Variants in SLCO6A1 observed in about 807,000 individuals in gnomAD.
SLCO6A1 encodes the protein cancer/testis antigen 48.
Under a neutral mutation model 72.7 loss-of-function variants are expected in SLCO6A1, and 65 were observed. That is an observed-to-expected ratio of 0.89 (90% CI 0.73 to 1.10). The LOEUF (loss-of-function observed/expected upper bound fraction) is 1.10, where lower values mean the gene tolerates loss of function less well. SLCO6A1 is among the 50% of genes least tolerant of loss of function. The pLI is 0.00. For missense variants in SLCO6A1, 874 were observed against 872.6 expected, an observed-to-expected ratio of 1.00 and a Z score of -0.02; for synonymous variants, 314 against 298.2, an observed-to-expected ratio of 1.05 and a Z score of -0.55.
chr5:102,489,781 A>G (rs1394989972), intron 1 of SLCO6A1, among the ~76,000 whole-genome samples: 2 of 152,226 alleles, frequency 1.3e-5, no homozygotes, highest in African/African-American at 4.8e-5. Flanking sequence ...TATGTCAAAG[A>G]AATATTTGCA....
intron 8 of SLCO6A1, among the ~76,000 whole-genome samples, chr5:102,413,462 C>T (rs558863969): frequency 3.0e-4 from 45 of 151,736 alleles, no homozygotes; most frequent in Admixed American, 8.5e-4. Flanking sequence ...TTTCCCCACT[C>T]CCTAGCATAC....
chr5:102,427,840 G>GTGTATATATATATA (rs1748980248), intron 7 of SLCO6A1, among the ~76,000 whole-genome samples: 4 of 102,750 alleles, frequency 3.9e-5, no homozygotes, highest in Admixed American at 1.0e-4. Flanking sequence ...GTGTGTGTAT[G>GTGTATATATATATA]TATACATATA....
At chr5:102,379,063 G>A (rs1211571931) in intron 12 of SLCO6A1, among the ~76,000 whole-genome samples, 2 of 152,154 alleles carry the variant, frequency 1.3e-5, no homozygotes, top group Non-Finnish European at 2.9e-5. Flanking sequence ...TTACAGGCAT[G>A]AGCAACTGCA....
intron 10 of SLCO6A1, among the ~76,000 whole-genome samples, chr5:102,393,524 G>A (rs992777055): frequency 1.2e-4 from 19 of 152,008 alleles, no homozygotes; most frequent in African/African-American, 2.2e-4. Context: ...TACCCTCCCC[G>A]AATCCCCAGA....
chr5:102,451,807 T>A (rs1161746188), intron 6 of SLCO6A1, among the ~76,000 whole-genome samples: 1 of 152,194 alleles, frequency 6.6e-6, no homozygotes, highest in African/African-American at 2.4e-5. Flanking sequence ...GATAAGCTAG[T>A]GTTTACTTGC....
chr5:102,420,494 A>G (rs576773791), intron 7 of SLCO6A1, among the ~76,000 whole-genome samples: 1 of 152,284 alleles, frequency 6.6e-6, no homozygotes, highest in South Asian at 2.1e-4. Flanking sequence ...CTCACAACAA[A>G]GTGGGACTCT....
intron 12 of SLCO6A1, among the ~76,000 whole-genome samples, chr5:102,379,103 G>A (rs993447558): frequency 1.3e-5 from 2 of 151,892 alleles, no homozygotes; most frequent in Non-Finnish European, 2.9e-5. Flanking sequence ...TTGGGTATTT[G>A]ATATCTACTT....
At chr5:102,459,961 C>A (rs1289239405) in intron 4 of SLCO6A1, among the ~76,000 whole-genome samples, 184 bp from the exon 5 acceptor site, 1 of 151,992 alleles carries the variant, frequency 6.6e-6, no homozygotes, top group African/African-American at 2.4e-5. Flanking sequence ...AATTGTGAGT[C>A]CCCAATTATG....
intron 7 of SLCO6A1, among the ~76,000 whole-genome samples, chr5:102,424,366 C>T (rs1193627135): frequency 6.6e-6 from 1 of 151,764 alleles, no homozygotes; most frequent in Admixed American, 6.6e-5. Context: ...AAACTAGATA[C>T]ACTGCTAGCC....
At chr5:102,489,642 G>C (rs906074201) in intron 1 of SLCO6A1, among the ~76,000 whole-genome samples, 3 of 152,166 alleles carry the variant, frequency 2.0e-5, no homozygotes, top group African/African-American at 7.2e-5. Context: ...TTTATACACT[G>C]TTGGTGGGAA....
chr5:102,390,119 T>C (rs1270135597), intron 11 of SLCO6A1, among the ~76,000 whole-genome samples: 1 of 152,118 alleles, frequency 6.6e-6, no homozygotes, highest in Non-Finnish European at 1.5e-5. Context: ...CCCTAAAATA[T>C]CTATAGACAG....
chr5:102,474,553 G>A (rs1751797723), intron 4 of SLCO6A1, among the ~76,000 whole-genome samples: 1 of 151,938 alleles, frequency 6.6e-6, no homozygotes, highest in South Asian at 2.1e-4. Flanking sequence ...AGCCCAGGCA[G>A]CAAACCAAAA....
intron 4 of SLCO6A1, among the ~76,000 whole-genome samples, chr5:102,468,331 A>T (rs570783757): frequency 2.6e-5 from 4 of 152,112 alleles, no homozygotes; most frequent in African/African-American, 7.2e-5. Context: ...ATGTTCTGTA[A>T]ATATCTGTTA....
In SLCO6A1 at chr5:102,481,260, C is replaced by T. The variant is rs184447329; in HGVS notation, c.359-826G>A. Among the ~76,000 whole-genome samples, 441 of 152,152 alleles carry T rather than the reference C, an allele frequency of 2.9e-3. 1 individual carries two copies. Among genetic ancestry groups the T allele is most frequent in the African/African-American group, 0.01 (422 of 41,516 alleles). The stretch of plus-strand genomic sequence containing the variant: ...TTTTTTTGGCAGGAAGCCAGGAGCC[C>T]ACAGTCTTCCTATGACAGGGAGCTC... On this transcript the variant is annotated intron_variant, in intron 1 of 13. Coordinates refer to ENST00000506729, the MANE Select transcript of SLCO6A1 (RefSeq NM_173488.5).
At chr5:102,482,210 G>T (rs1580511641) in intron 1 of SLCO6A1, among the ~76,000 whole-genome samples, 1 of 151,776 alleles carries the variant, frequency 6.6e-6, no homozygotes, top group African/African-American at 2.4e-5. Context: ...CTTCCATAAA[G>T]TATTAATAGA....
At chr5:102,440,815 C>T (rs1346614703) in intron 6 of SLCO6A1, among the ~76,000 whole-genome samples, 1 of 152,184 alleles carries the variant, frequency 6.6e-6, no homozygotes, top group East Asian at 1.9e-4. Context: ...TATTAGCTGG[C>T]TTTCAAAATG....
chr5:102,394,747 T>C (rs1379778444), intron 10 of SLCO6A1, among the ~76,000 whole-genome samples: 1 of 152,044 alleles, frequency 6.6e-6, no homozygotes, highest in Non-Finnish European at 1.5e-5. Flanking sequence ...CTACCTCCTG[T>C]GATGAAAGGA....
At chr5:102,400,431 A>C (rs111287258) in intron 9 of SLCO6A1, among the ~76,000 whole-genome samples, 7 of 152,088 alleles carry the variant, frequency 4.6e-5, no homozygotes, top group African/African-American at 1.7e-4. Context: ...AAAAGAGAGC[A>C]CGAAGGCAAA....
intron 11 of SLCO6A1, among the ~76,000 whole-genome samples, chr5:102,390,627 G>A (rs1746701077): frequency 1.3e-5 from 2 of 152,058 alleles, no homozygotes; most frequent in South Asian, 4.1e-4. Context: ...ATTTAAAAAT[G>A]TTAGTCTAGG....
Sources: gnomAD v4.1 joint callset for allele counts (sites outside exome capture counted in the v4.1 genomes callset) on GRCh38, gnomAD v4.1.1 for gene constraint, MANE v1.5 for transcripts, NCBI Gene and HGNC (gene_info 2026-07-23, HGNC 2026-07-21) for gene names.